C16orf89: variants seen among roughly 807,000 people sequenced by gnomAD.
C16orf89 encodes the protein UPF0764 protein C16orf89.
C16orf89 carries 57 observed loss-of-function variants against 41.5 expected under a neutral mutation model. The ratio of observed to expected loss-of-function variants is 1.38; its 90% CI spans 1.11 to 1.71. The LOEUF is 1.71. C16orf89 is among the 40% of genes most tolerant of loss of function. The pLI, the probability that C16orf89 is intolerant of heterozygous loss-of-function variation, is 0.00. For missense variants in C16orf89, 575 were observed against 445.9 expected (o/e 1.29, Z -2.61); for synonymous variants, 223 against 190.6 (o/e 1.17, Z -1.40).
At chr16:5,048,143 C>G (rs34734752) in intron 6 of C16orf89, among the ~76,000 whole-genome samples, 179 bp from the exon 7 acceptor site, 63 of 152,286 alleles carry the variant, frequency 4.1e-4, no homozygotes, top group Middle Eastern at 3.4e-3. Flanking sequence ...TCCTTCCTGC[C>G]TCAGCCTACC....
At chr16:5,062,381 T>C (rs1956643766) in intron 2 of C16orf89, 44 bp downstream of exon 2, 1 of 1,564,202 alleles carries the variant, frequency 6.4e-7, no homozygotes, top group Non-Finnish European at 8.7e-7. Context: ...AATATCCCCA[T>C]AGGCGCTATT....
At chr16:5,055,158 T>C in intron 6 of C16orf89, 88 bp downstream of exon 6, 1 of 1,117,250 alleles carries the variant, frequency 9.0e-7, no homozygotes, top group Admixed American at 2.1e-5. Flanking sequence ...TTAACACCAA[T>C]GCATTGTTCC....
intron 7 of C16orf89, 140 bp from the exon 8 acceptor site, chr16:5,044,618 G>C: frequency 2.8e-6 from 4 of 1,444,310 alleles, no homozygotes; most frequent in Non-Finnish European, 3.7e-6. Flanking sequence ...GAGGTGGGCG[G>C]ATCTCTTGAG....
chr16:5,052,605 A>ACT (rs1956418462), intron 6 of C16orf89, among the ~76,000 whole-genome samples: 1 of 43,608 alleles, frequency 2.3e-5, no homozygotes, highest in Non-Finnish European at 4.9e-5. Flanking sequence ...GAAAGAAAGA[A>ACT]AAAAAAAAAA....
At chr16:5,053,878 C>G (rs201762723) in intron 6 of C16orf89, among the ~76,000 whole-genome samples, 3 of 152,216 alleles carry the variant, frequency 2.0e-5, no homozygotes, top group African/African-American at 4.8e-5. Context: ...TTGGAATGTT[C>G]CCAACACAAA....
intron 6 of C16orf89, among the ~76,000 whole-genome samples, chr16:5,049,930 C>A: frequency 6.6e-6 from 1 of 151,406 alleles, no homozygotes; most frequent in African/African-American, 2.4e-5. Context: ...TAAAAAAGAT[C>A]AACAGATAAA....
At chr16:5,058,668 TC>T in intron 3 of C16orf89, 58 bp from the exon 4 acceptor site, 1 of 1,394,494 alleles carries the variant, frequency 7.2e-7, no homozygotes, top group Non-Finnish European at 9.9e-7. Flanking sequence ...CCCTGCGTCT[TC>T]CCAGCCCCCT....
chr16:5,051,347 C>T (rs1425215067), intron 6 of C16orf89, among the ~76,000 whole-genome samples: 1 of 152,110 alleles, frequency 6.6e-6, no homozygotes, highest in Non-Finnish European at 1.5e-5. Context: ...TAAATGAATT[C>T]AACAAAGTTG....
intron 2 of C16orf89, among the ~76,000 whole-genome samples, chr16:5,062,170 C>T (rs1028446209): frequency 6.6e-6 from 1 of 152,176 alleles, no homozygotes; most frequent in Non-Finnish European, 1.5e-5. Context: ...CTTGTGCGTG[C>T]GCTGAATGCT....
At chr16:5,062,144 G>T (rs1230189345) in intron 2 of C16orf89, among the ~76,000 whole-genome samples, 4 of 152,180 alleles carry the variant, frequency 2.6e-5, no homozygotes, top group African/African-American at 9.7e-5. Context: ...CTCTAGTCTA[G>T]GACCAGGACC....
chr16:5,047,605 C>T (rs1399565376), intron 7 of C16orf89, among the ~76,000 whole-genome samples: 1 of 151,986 alleles, frequency 6.6e-6, no homozygotes, highest in Admixed American at 6.6e-5. Flanking sequence ...GTAACTGGGA[C>T]TACAGGCGTG....
In C16orf89 at chr16:5,058,100, C is replaced by T. The variant is rs549752489; in HGVS notation, c.627+393G>A. ...TCCTGGTGTGTAGCAGACAGAACTACACTGCCATGAGCCCTTTTTCATTTA... is the reference window on the plus strand; with the variant it reads ...TCCTGGTGTGTAGCAGACAGAACTATACTGCCATGAGCCCTTTTTCATTTA... On this transcript the variant is annotated intron_variant, in intron 4 of 7. Transcript: ENST00000472572. Among the ~76,000 whole-genome samples, 115 of 152,160 alleles carry T rather than the reference C, an allele frequency of 7.6e-4. 1 individual carries two copies. Among genetic ancestry groups the T allele is most frequent in the South Asian group, 1.0e-3 (5 of 4,814 alleles).
chr16:5,055,743 T>G (rs1405383569), intron 5 of C16orf89: 1 of 1,534,858 alleles, frequency 6.5e-7, no homozygotes, highest in Non-Finnish European at 8.7e-7. Context: ...CAGGAAACTG[T>G]CACACAGTGG....
At chr16:5,061,329 A>G (rs1956616849) in intron 2 of C16orf89, among the ~76,000 whole-genome samples, 1 of 145,132 alleles carries the variant, frequency 6.9e-6, no homozygotes, top group African/African-American at 2.5e-5. Flanking sequence ...TACTTGAGAG[A>G]GGCTAAAGCA....
intron 1 of C16orf89, among the ~76,000 whole-genome samples, chr16:5,064,601 G>T (rs1239241907): frequency 6.6e-6 from 1 of 152,242 alleles, no homozygotes; most frequent in East Asian, 1.9e-4. Flanking sequence ...CAGTTCTGAA[G>T]CTCTGTTCTA....
chr16:5,052,678 G>A (rs1327679791), intron 6 of C16orf89, among the ~76,000 whole-genome samples: 1 of 152,116 alleles, frequency 6.6e-6, no homozygotes, highest in Admixed American at 6.5e-5. Context: ...CACAGTTGAT[G>A]GGAATGTAAA....
At chr16:5,051,724 A>G (rs991316863) in intron 6 of C16orf89, among the ~76,000 whole-genome samples, 1 of 152,244 alleles carries the variant, frequency 6.6e-6, no homozygotes, top group Non-Finnish European at 1.5e-5. Flanking sequence ...AAAGACCCCA[A>G]ATAGTGAAGC....
At chr16:5,063,964 C>G (rs143467644) in intron 1 of C16orf89, among the ~76,000 whole-genome samples, 1 of 151,780 alleles carries the variant, frequency 6.6e-6, no homozygotes, top group Non-Finnish European at 1.5e-5. Flanking sequence ...TCATCTCTAC[C>G]AAAAATACAA....
Position 5,053,828 on chromosome 16 carries a change from G to A in C16orf89, c.868+1418C>T, listed in dbSNP as rs56801441. Among the ~76,000 whole-genome samples the A allele has an allele frequency of 8.6e-3, 1,302 of 152,260 alleles. 17 individuals carry two copies. The highest frequency in any genetic ancestry group is 0.029 in the African/African-American group (1,217 of 41,550). ...TCCCAAAGTGGTGGGATTATAAGGC[G>A]TAGCCTATTGTGTATTTTCAAATAG... is the stretch of plus-strand genomic sequence containing the variant. On this transcript the variant is annotated intron_variant, in intron 6 of 7. Transcript: ENST00000472572.
Sources: gnomAD v4.1 joint callset for allele counts (sites outside exome capture counted in the v4.1 genomes callset) on GRCh38, gnomAD v4.1.1 for gene constraint, MANE v1.5 for transcripts, NCBI Gene and HGNC (gene_info 2026-07-23, HGNC 2026-07-21) for gene names.